The following TMEM131L variants were observed in gnomAD, a reference collection of about 807,000 sequenced individuals.
TMEM131L encodes transmembrane 131 like.
A neutral mutation model predicts 192.2 loss-of-function variants in TMEM131L; 54 were observed. The ratio of observed to expected loss-of-function variants is 0.28; its 90% CI spans 0.23 to 0.35. The LOEUF (loss-of-function observed/expected upper bound fraction) is 0.35. Ranked by LOEUF, TMEM131L falls within the 10% of genes least tolerant of loss-of-function variation. The pLI is 1.00. For missense variants in TMEM131L, 1,888 were observed against 1,972.9 expected (o/e 0.96, Z 0.82); for synonymous variants, 701 against 704.9 (o/e 0.99, Z 0.09).
chr4:153,502,973 C>CT (rs397755880), intron 3 of TMEM131L, among the ~76,000 whole-genome samples: 82,983 of 150,112 alleles, frequency 0.55, 22,982 homozygotes, highest in East Asian at 0.65. Flanking sequence ...GCAGGGTCAT[C>CT]TTTTTTTTTT....
intron 14 of TMEM131L, among the ~76,000 whole-genome samples, chr4:153,587,485 G>C (rs777532044): frequency 6.6e-6 from 1 of 152,076 alleles, no homozygotes; most frequent in Non-Finnish European, 1.5e-5. Context: ...TCAGATGGCA[G>C]TTTGGTGTCT....
At chr4:153,556,100 T>G (rs1728417351) in intron 5 of TMEM131L, among the ~76,000 whole-genome samples, 190 bp downstream of exon 5, 2 of 141,340 alleles carry the variant, frequency 1.4e-5, no homozygotes, top group Non-Finnish European at 3.0e-5. Context: ...TGGTGGCTCT[T>G]GATATCTACT....
chr4:153,543,394 A>G (rs1736939863), intron 3 of TMEM131L, among the ~76,000 whole-genome samples: 1 of 152,216 alleles, frequency 6.6e-6, no homozygotes, highest in African/African-American at 2.4e-5. Context: ...TACTAAGATC[A>G]TGATGTAGAA....
At position 153,603,326 on chromosome 4, in the gene TMEM131L, T is replaced by C; in HGVS notation, c.2663T>C (p.Leu888Ser). 1 of 1,613,868 alleles carries C rather than the reference T, an allele frequency of 6.2e-7. No homozygotes were observed. The highest frequency in any genetic ancestry group is 8.5e-7 in the Non-Finnish European group (1 of 1,179,868). ...AGTTTGTCCCTGTTGGGTGTGATTT[T>C]AATAGCCTTCCAACAAGCACAGTAC... is the stretch of plus-strand genomic sequence containing the variant. Reference protein sequence around the residue: ...FVSLSLLGVILIAFQQAQYIL... With the variant: ...FVSLSLLGVISIAFQQAQYIL... Residue 888 changes from leucine (L) to serine (S), a missense_variant, in exon 24 of 35, where the codon TTA becomes TCA. Physicochemically the swap from Leu to Ser is moderately radical, Grantham distance 145. Transcript: ENST00000409959.
chr4:153,546,374 T>C (rs1273802985), intron 3 of TMEM131L, among the ~76,000 whole-genome samples: 2 of 152,152 alleles, frequency 1.3e-5, no homozygotes, highest in African/African-American at 4.8e-5. Context: ...GTCTTTGACA[T>C]ACATGAATCA....
At chr4:153,496,350 G>A (rs959434593) in intron 3 of TMEM131L, among the ~76,000 whole-genome samples, 1 of 152,232 alleles carries the variant, frequency 6.6e-6, no homozygotes, top group Non-Finnish European at 1.5e-5. Flanking sequence ...CATCGAAAAC[G>A]GGGAGGCCCA....
intron 3 of TMEM131L, among the ~76,000 whole-genome samples, chr4:153,477,653 A>G (rs1731643181): frequency 6.6e-6 from 1 of 152,230 alleles, no homozygotes; most frequent in South Asian, 2.1e-4. Flanking sequence ...ACATGGATGT[A>G]TGAATATATA....
At chr4:153,573,665 C>T (rs1466882779) in intron 7 of TMEM131L, among the ~76,000 whole-genome samples, 1 of 152,158 alleles carries the variant, frequency 6.6e-6, no homozygotes, top group African/African-American at 2.4e-5. Context: ...TGTTTTTTGT[C>T]TGTCTTTCAG....
Position 153,557,049 on chromosome 4 carries a change from TA to T in TMEM131L, c.518del (p.Asn173IlefsTer73). 6.4e-7 allele frequency: 1 copy of T among 1,557,386 alleles called. No individual in the cohort carries two copies. The highest frequency in any genetic ancestry group is 8.8e-7 in the Non-Finnish European group (1 of 1,130,536). On this transcript the variant is annotated frameshift_variant, in exon 6 of 35. Coordinates refer to ENST00000409959, the MANE Select transcript of TMEM131L (RefSeq NM_001131007.2). LOFTEE classifies it high-confidence loss of function. ...EGSIESSLFI[N>X]TSSYGVLSYH... ...GAAGCATTGAAAGTTCCTTATTTATTAATACCTCTTCGTATGGAGTCCTTTC... is the reference window on the plus strand; with the variant it reads ...GAAGCATTGAAAGTTCCTTATTTATTATACCTCTTCGTATGGAGTCCTTTC...
intron 3 of TMEM131L, among the ~76,000 whole-genome samples, chr4:153,492,942 G>A (rs992843242): frequency 5.3e-5 from 8 of 152,166 alleles, no homozygotes; most frequent in African/African-American, 1.9e-4. Flanking sequence ...GGTCAGGAAT[G>A]AGCCAAGGCT....
intron 20 of TMEM131L, 143 bp from the exon 21 acceptor site, chr4:153,598,444 TACC>T (rs1485129988): frequency 4.5e-5 from 32 of 714,926 alleles, no homozygotes; most frequent in Non-Finnish European, 6.7e-5. Context: ...TGGAAGAAGA[TACC>T]ACACTATTTA....
intron 3 of TMEM131L, among the ~76,000 whole-genome samples, chr4:153,533,670 C>A (rs1277481859): frequency 2.0e-5 from 3 of 152,322 alleles, no homozygotes; most frequent in East Asian, 3.9e-4. Context: ...CCTCCTCTTA[C>A]AGTCCTGTTT....
chr4:153,485,080 C>G (rs1732229063), intron 3 of TMEM131L, among the ~76,000 whole-genome samples: 1 of 144,314 alleles, frequency 6.9e-6, no homozygotes, highest in East Asian at 2.1e-4. Context: ...GATCACACCA[C>G]TGTACTCTGA....
intron 7 of TMEM131L, among the ~76,000 whole-genome samples, chr4:153,571,176 TGTTGC>T: frequency 6.6e-6 from 1 of 152,332 alleles, no homozygotes; most frequent in East Asian, 1.9e-4. Flanking sequence ...TTTTTCTGTT[TGTTGC>T]GTTGCATAAT....
intron 2 of TMEM131L, among the ~76,000 whole-genome samples, chr4:153,472,531 A>C (rs879590723): frequency 6.6e-6 from 1 of 152,184 alleles, no homozygotes; most frequent in Admixed American, 6.5e-5. Flanking sequence ...GGGATATTAC[A>C]GTAGACAAAA....
In TMEM131L at chr4:153,604,205, A is replaced by G. The variant is rs1732052911; in HGVS notation, c.3193A>G (p.Ile1065Val). 5 of 1,614,030 alleles carry G rather than the reference A, an allele frequency of 3.1e-6. No individual in the cohort carries two copies. The highest frequency in any genetic ancestry group is 2.7e-5 in the African/African-American group (2 of 75,046). The change falls in exon 25 of 35, where the codon ATT becomes GTT. Residue 1065 changes from isoleucine to valine, a missense_variant. Physicochemically the swap from Ile to Val is conservative, Grantham distance 29. Coordinates refer to ENST00000409959, the MANE Select transcript of TMEM131L (RefSeq NM_001131007.2). ...NKEENTLKNT[I>V]VFSNPSSECS... ...AGAAGAAAACACACTGAAAAACACA[A>G]TTGTTTTCAGTAATCCTTCTTCAGA... is the stretch of plus-strand genomic sequence containing the variant.
intron 4 of TMEM131L, among the ~76,000 whole-genome samples, chr4:153,550,588 A>G (rs1212106012): frequency 1.3e-5 from 2 of 152,184 alleles, no homozygotes; most frequent in African/African-American, 4.8e-5. Context: ...GGCCTCCCAA[A>G]GTGCTGGGAT....
Position 153,555,708 on chromosome 4 carries a change from A to G in TMEM131L, c.309-79A>G. 1 of 1,229,392 alleles carries G rather than the reference A, an allele frequency of 8.1e-7. No homozygotes were observed. The highest frequency in any genetic ancestry group is 1.5e-5 in the African/African-American group (1 of 65,904). 76.2% of individuals were successfully genotyped at this position (1,229,392 alleles called of 1,614,324 possible). On this transcript the variant is annotated intron_variant, in intron 4 of 34. Coordinates refer to ENST00000409959, the MANE Select transcript of TMEM131L (RefSeq NM_001131007.2). The surrounding 1 kb of genome is among the most constrained non-coding windows in gnomAD (Gnocchi z 4.1). ...TGGGTTTAAAAATCTGTGTGTATATATATAATAATACATATATATGTATGG... is the reference window on the plus strand; with the variant it reads ...TGGGTTTAAAAATCTGTGTGTATATGTATAATAATACATATATATGTATGG...
chr4:153,571,631 G>GTTA (rs1729593922), intron 7 of TMEM131L, among the ~76,000 whole-genome samples: 2 of 152,202 alleles, frequency 1.3e-5, no homozygotes, highest in South Asian at 4.1e-4. Flanking sequence ...TGCAGTTACA[G>GTTA]TTATTACAAC....
Sources: gnomAD v4.1 joint callset for allele counts (sites outside exome capture counted in the v4.1 genomes callset) on GRCh38, gnomAD v4.1.1 for gene constraint, Gnocchi (gnomAD v3.1) non-coding constraint, MANE v1.5 for transcripts, NCBI Gene and HGNC (gene_info 2026-07-23, HGNC 2026-07-21) for gene names.